The following DMD variants were observed in gnomAD, a reference collection of about 807,000 sequenced individuals.
The protein encoded by DMD is dystrophin.
DMD carries 63 observed loss-of-function variants against 330.1 expected under a neutral mutation model. That is an observed-to-expected ratio of 0.19 (90% CI 0.16 to 0.24). The LOEUF is 0.24. DMD is among the 10% of genes least tolerant of loss of function. DMD has a pLI of 1.00. For synonymous variants in DMD, 1,223 were observed against 959.8 expected (o/e 1.27, Z -5.07); for missense variants, 3,344 against 2,684.1 (o/e 1.25, Z -5.43).
At chrX:32,743,601 A>C (rs1465110987) in intron 7 of DMD, among the ~76,000 whole-genome samples, 1 of 111,287 alleles carries the variant, frequency 9.0e-6, no homozygotes, top group Non-Finnish European at 1.9e-5. Context: ...AGTTTCCAAT[A>C]ATTTCTGAAT....
chrX:32,733,408 T>C (rs183340853), intron 7 of DMD, among the ~76,000 whole-genome samples: 7,330 of 108,742 alleles, frequency 0.067, 756 homozygotes, highest in African/African-American at 0.24. Context: ...CTGCACCAAG[T>C]GGACCTAATA....
intron 2 of DMD, among the ~76,000 whole-genome samples, chrX:32,877,646 T>C (rs1293077999): frequency 1.8e-5 from 2 of 111,999 alleles, no homozygotes; most frequent in Admixed American, 1.9e-4. Flanking sequence ...TCTCAAAACT[T>C]CTGTATCTAC....
intron 25 of DMD, among the ~76,000 whole-genome samples, chrX:32,457,028 T>G (rs758721597): frequency 2.0e-5 from 2 of 100,715 alleles, no homozygotes; most frequent in Admixed American, 2.2e-4. Context: ...TGGAGCTTGA[T>G]AAGTTGACCC....
intron 11 of DMD, among the ~76,000 whole-genome samples, chrX:32,621,136 T>TA (rs201361694): frequency 0.011 from 1,232 of 111,233 alleles, 31 homozygotes; most frequent in African/African-American, 0.038. Context: ...ATTGAGTCTG[T>TA]AAAGGGGGGC....
chrX:32,776,284 C>CG (rs759897199), intron 7 of DMD, among the ~76,000 whole-genome samples: 14 of 86,025 alleles, frequency 1.6e-4, no homozygotes, highest in Admixed American at 8.3e-4. Flanking sequence ...TTCTTCTGAC[C>CG]CCCCCCCCAA....
intron 47 of DMD, among the ~76,000 whole-genome samples, chrX:31,889,620 GTCTCTCTCTC>G (rs34605571): frequency 4.0e-4 from 32 of 80,556 alleles, no homozygotes; most frequent in South Asian, 1.5e-3. Context: ...CTCTCTCTCT[GTCTCTCTCTC>G]TCTCTCTCTC....
chrX:31,370,445 A>G lies in DMD; in HGVS notation c.9085-21811T>C, dbSNP rs570619936. Among the ~76,000 whole-genome samples the G allele has an allele frequency of 8.3e-4, 93 of 112,363 alleles. 1 individual carries two copies. Among genetic ancestry groups the G allele is most frequent in the African/African-American group, 2.7e-3 (84 of 30,975 alleles). ...ACAAGTACAGGAAAAGTTGTTCAACAGCATTTGCCACGAGGGAAACGTAAA... is the reference window on the plus strand; with the variant it reads ...ACAAGTACAGGAAAAGTTGTTCAACGGCATTTGCCACGAGGGAAACGTAAA... On this transcript the variant is annotated intron_variant, in intron 60 of 78. Transcript: ENST00000357033.
chrX:33,331,180 GACTCTGTTTCCTGCC>G (rs1275104660), intron 1 of DMD, among the ~76,000 whole-genome samples: 1 of 111,673 alleles, frequency 9.0e-6, no homozygotes, highest in Admixed American at 9.6e-5. Flanking sequence ...TGGAGAAATA[GACTCTGTTTCCTGCC>G]ACTGTGGCCA....
intron 52 of DMD, among the ~76,000 whole-genome samples, chrX:31,680,574 C>T (rs1389699409): frequency 4.6e-5 from 5 of 108,741 alleles, no homozygotes; most frequent in Non-Finnish European, 9.5e-5. Flanking sequence ...GACAGGGTTT[C>T]ACCATGTTGG....
intron 39 of DMD, among the ~76,000 whole-genome samples, chrX:32,344,167 A>G (rs2097756698): frequency 8.9e-6 from 1 of 112,287 alleles, no homozygotes; most frequent in Admixed American, 9.5e-5. Flanking sequence ...TCATGGGAAC[A>G]TAAGCTCTGC....
chrX:33,195,732 T>TTGTGTGTGTGTGTGTG (rs71969580), intron 1 of DMD, among the ~76,000 whole-genome samples: 33 of 97,715 alleles, frequency 3.4e-4, no homozygotes, highest in East Asian at 6.6e-4. Context: ...CTGTTCTATT[T>TTGTGTGTGTGTGTGTG]TGTGTGTGTG....
intron 49 of DMD, among the ~76,000 whole-genome samples, chrX:31,829,433 T>A (rs1446265291): frequency 9.8e-6 from 1 of 101,697 alleles, no homozygotes; most frequent in African/African-American, 3.7e-5. Flanking sequence ...TGTACAATTA[T>A]ACACATATAA....
At chrX:31,865,077 C>T (rs1377202583) in intron 48 of DMD, among the ~76,000 whole-genome samples, 3 of 112,173 alleles carry the variant, frequency 2.7e-5, no homozygotes, top group African/African-American at 9.7e-5. Context: ...TACTTCAACT[C>T]AGCAATGGTT....
chrX:32,119,465 T>C lies in DMD; in HGVS notation c.6438+97451A>G, dbSNP rs746322416. ...TCCGCAATGCAGCCTTTCGTATAAC[T>C]AGGCTCCTAGTGCGGTTGTATGCTA... On this transcript the variant is annotated intron_variant, in intron 44 of 78. Transcript: ENST00000357033. Among the ~76,000 whole-genome samples the C allele has an allele frequency of 3.6e-5, 4 of 111,297 alleles. No individual in the cohort carries two copies. In the East Asian group the frequency reaches 1.1e-3, roughly 32 times the overall value.
At position 31,462,416 on chromosome X, in the gene DMD, G is replaced by A. The variant is rs1469021165; in HGVS notation, c.8937+15690C>T. Among the ~76,000 whole-genome samples, 23 of 111,492 alleles carry A rather than the reference G, an allele frequency of 2.1e-4. No individual in the cohort carries two copies. In the Admixed American group the frequency reaches 2.1e-3, roughly 10 times the overall value. On this transcript the variant is annotated intron_variant, in intron 59 of 78. Transcript: ENST00000357033. ...AATCACTTGAACCTGGGAGGCGGAG[G>A]TTGCAGTGAGCTGAGATTGCACTCC... is the stretch of plus-strand genomic sequence containing the variant.
intron 22 of DMD, among the ~76,000 whole-genome samples, chrX:32,469,106 T>C (rs2040354677): frequency 9.0e-6 from 1 of 110,608 alleles, no homozygotes; most frequent in Non-Finnish European, 1.9e-5. Flanking sequence ...CATAAAACTA[T>C]AGCTAATAAT....
chrX:32,024,562 T>C (rs1359576383), intron 44 of DMD, among the ~76,000 whole-genome samples: 1 of 109,720 alleles, frequency 9.1e-6, no homozygotes, highest in African/African-American at 3.3e-5. Flanking sequence ...AGAAAAGCTC[T>C]AGGATAGGCA....
intron 1 of DMD, among the ~76,000 whole-genome samples, chrX:33,279,328 A>G (rs1443391224): frequency 8.9e-6 from 1 of 111,956 alleles, no homozygotes; most frequent in Non-Finnish European, 1.9e-5. Context: ...TTTTGGGTGA[A>G]CAACAAAATT....
intron 1 of DMD, chrX:33,339,112 C>T: frequency 1.5e-6 from 1 of 666,436 alleles, no homozygotes; most frequent in Non-Finnish European, 2.1e-6. Context: ...ATTTTAAAAT[C>T]CATTCTGTAA....
Sources: allele counts gnomAD v4.1 joint callset (sites outside exome capture counted in the v4.1 genomes callset), GRCh38; gene constraint gnomAD v4.1.1; transcripts MANE v1.5; gene names NCBI Gene and HGNC (gene_info 2026-07-23, HGNC 2026-07-21).